SPRED2: variants seen among roughly 807,000 people sequenced by gnomAD.
The protein encoded by SPRED2 is sprouty-related, EVH1 domain-containing protein 2.
In SPRED2, 47 loss-of-function variants were observed where a neutral mutation model predicts 43.0. The observed-to-expected ratio is 1.09, with a 90% CI of 0.87 to 1.40. The LOEUF is 1.40. SPRED2 is among the 40% of genes most tolerant of loss of function. The pLI, the probability that SPRED2 is intolerant of heterozygous loss-of-function variation, is 0.00. For missense variants in SPRED2, 561 were observed against 586.4 expected (o/e 0.96, Z 0.45); for synonymous variants, 225 against 225.7 (o/e 1.00, Z 0.03).
intron 1 of SPRED2, among the ~76,000 whole-genome samples, chr2:65,362,423 C>G (rs1674839827): frequency 6.6e-6 from 1 of 152,104 alleles, no homozygotes; most frequent in Admixed American, 6.5e-5. Flanking sequence ...GCGCCCGACA[C>G]CACGCCCAGC....
chr2:65,341,899 G>GA (rs953377763), intron 2 of SPRED2, among the ~76,000 whole-genome samples: 1 of 151,470 alleles, frequency 6.6e-6, no homozygotes, highest in African/African-American at 2.4e-5. Flanking sequence ...CAAAGAAGTG[G>GA]AAAAAAATTT....
chr2:65,319,615 G>A (rs1433955525), intron 4 of SPRED2, among the ~76,000 whole-genome samples: 1 of 152,124 alleles, frequency 6.6e-6, no homozygotes. Context: ...CAGTCCCACA[G>A]GCACCACACT....
chr2:65,409,435 C>CT (rs377286533), intron 1 of SPRED2, among the ~76,000 whole-genome samples: 1 of 152,110 alleles, frequency 6.6e-6, no homozygotes, highest in Non-Finnish European at 1.5e-5. Context: ...TTTCTATTTA[C>CT]TTTTTTAACA....
chr2:65,340,644 T>C (rs763793469), intron 2 of SPRED2, among the ~76,000 whole-genome samples: 2 of 152,198 alleles, frequency 1.3e-5, no homozygotes, highest in Non-Finnish European at 2.9e-5. Flanking sequence ...TACCAAAAAA[T>C]TACCTGACTA....
chr2:65,318,926 C>A (rs1341095236), intron 4 of SPRED2, among the ~76,000 whole-genome samples: 1 of 152,122 alleles, frequency 6.6e-6, no homozygotes, highest in Non-Finnish European at 1.5e-5. Flanking sequence ...GGGATTACTG[C>A]CATGAGCCAC....
chr2:65,386,637 T>A (rs557421276), intron 1 of SPRED2, among the ~76,000 whole-genome samples: 1 of 152,332 alleles, frequency 6.6e-6, no homozygotes, highest in South Asian at 2.1e-4. Context: ...ATCATCTTCA[T>A]CCTTACAGTA....
At chr2:65,407,695 C>T (rs1057387902) in intron 1 of SPRED2, among the ~76,000 whole-genome samples, 22 of 152,166 alleles carry the variant, frequency 1.4e-4, no homozygotes, top group African/African-American at 5.1e-4. Flanking sequence ...TGTCCTTTCA[C>T]CCGTGGAGAC....
chr2:65,366,305 A>AAACAACAACAACAAC (rs6146790), intron 1 of SPRED2, among the ~76,000 whole-genome samples: 342 of 151,554 alleles, frequency 2.3e-3, no homozygotes, highest in African/African-American at 4.8e-3. Flanking sequence ...TAATAATAAA[A>AAACAACAACAACAAC]AACAACAACA....
intron 1 of SPRED2, among the ~76,000 whole-genome samples, chr2:65,355,848 T>C (rs1674630841): frequency 6.6e-6 from 1 of 152,190 alleles, no homozygotes; most frequent in African/African-American, 2.4e-5. Flanking sequence ...TACTTTTTAT[T>C]CCAGAAGCAG....
At chr2:65,379,722 G>C (rs1179515034) in intron 1 of SPRED2, among the ~76,000 whole-genome samples, 1 of 152,168 alleles carries the variant, frequency 6.6e-6, no homozygotes, top group Non-Finnish European at 1.5e-5. Flanking sequence ...AGCAGGGCTG[G>C]AATCTGACCC....
At chr2:65,309,714 C>T (rs1016881484), downstream of SPRED2, among the ~76,000 whole-genome samples, 1 of 152,110 alleles carries the variant, frequency 6.6e-6, no homozygotes, top group Non-Finnish European at 1.5e-5. Context: ...CTGCATTCCG[C>T]AGAAAGTTAA....
chr2:65,394,690 C>T (rs1247225783), intron 1 of SPRED2, among the ~76,000 whole-genome samples: 1 of 152,158 alleles, frequency 6.6e-6, no homozygotes, highest in South Asian at 2.1e-4. Context: ...TGCTACGGTA[C>T]GAAGATTGCT....
chr2:65,404,834 A>C lies in SPRED2; in HGVS notation c.26+27128T>G, dbSNP rs74750553. ...CATGTACTACCTCCCCAGCATGAAC[A>C]GACCACCTTTCCCTTCTGCCAAACA... is the stretch of plus-strand genomic sequence containing the variant. On this transcript the variant is annotated intron_variant, in intron 1 of 5. Transcript: ENST00000356388. Among the ~76,000 whole-genome samples the C allele has an allele frequency of 3.1e-4, 47 of 152,304 alleles. No individual in the cohort carries two copies. In the East Asian group the frequency reaches 8.9e-3, roughly 29 times the overall value.
At chr2:65,308,202 G>C (rs184969203), downstream of SPRED2, 50 of 665,266 alleles carry the variant, frequency 7.5e-5, no homozygotes, top group East Asian at 2.5e-3. Flanking sequence ...CCAGAGAAGC[G>C]GGGTGGGAGG....
At chr2:65,342,935 A>G (rs1008500438) in intron 2 of SPRED2, among the ~76,000 whole-genome samples, 4 of 152,206 alleles carry the variant, frequency 2.6e-5, no homozygotes, top group Non-Finnish European at 4.4e-5. Context: ...CAACAAAGTG[A>G]GATCCTGCCT....
Position 65,313,076 on chromosome 2 carries a change from GAGTCTTCGA to G in SPRED2, c.*416_*424del. The G allele has an allele frequency of 1.0e-6, 1 of 989,490 alleles. No individual in the cohort carries two copies. The allele number at this position is 989,490 out of a possible 1,614,324, so 61.3% of individuals were successfully genotyped here. A position where few individuals can be genotyped will look rare whatever the true frequency, so the allele number is the denominator to read the frequency against. On this transcript the variant is annotated 3_prime_UTR_variant, in exon 6 of 6. Transcript: ENST00000356388. ...CAGGCAAGGTGAACCAAGAGAAAGA[GAGTCTTCGA>G]CGCTCTTGGAAAAATCAACTACAAA... is the stretch of plus-strand genomic sequence containing the variant.
At chr2:65,385,226 C>T (rs771767127) in intron 1 of SPRED2, among the ~76,000 whole-genome samples, 3 of 152,168 alleles carry the variant, frequency 2.0e-5, no homozygotes, top group Non-Finnish European at 4.4e-5. Flanking sequence ...CCTGCCTTGG[C>T]CTCCCAAAAT....
intron 1 of SPRED2, among the ~76,000 whole-genome samples, chr2:65,404,530 A>G (rs1230422437): frequency 6.6e-6 from 1 of 152,230 alleles, no homozygotes; most frequent in Non-Finnish European, 1.5e-5. Context: ...TTTAATGCAG[A>G]TATTCATTCA....
intron 1 of SPRED2, among the ~76,000 whole-genome samples, chr2:65,410,842 T>C (rs1181194008): frequency 6.6e-6 from 1 of 151,996 alleles, no homozygotes; most frequent in Non-Finnish European, 1.5e-5. Flanking sequence ...GCTTGAAAGA[T>C]GTAATGCAGA....
Sources: gnomAD v4.1 joint callset for allele counts (sites outside exome capture counted in the v4.1 genomes callset) on GRCh38, gnomAD v4.1.1 for gene constraint, MANE v1.5 for transcripts, NCBI Gene and HGNC (gene_info 2026-07-23, HGNC 2026-07-21) for gene names.